GNG7: variants seen among roughly 807,000 people sequenced by gnomAD.
The protein encoded by GNG7 is guanine nucleotide-binding protein G(I)/G(S)/G(O) subunit gamma-7.
A neutral mutation model predicts 4.0 loss-of-function variants in GNG7; 1 was observed. The ratio of observed to expected loss-of-function variants is 0.25; its 90% CI spans 0.09 to 1.18. GNG7 has a LOEUF of 1.18. GNG7 is among the 50% of genes most tolerant of loss of function. GNG7 has a pLI of 0.50. For missense variants in GNG7, 86 were observed against 91.9 expected (o/e 0.94, Z 0.26); for synonymous variants, 34 against 36.9 (o/e 0.92, Z 0.29).
intron 1 of GNG7, among the ~76,000 whole-genome samples, chr19:2,663,154 T>G (rs574446068): frequency 6.6e-6 from 1 of 152,276 alleles, no homozygotes; most frequent in South Asian, 2.1e-4. Context: ...GAAGGGCTGA[T>G]CCACATGACT....
intron 3 of GNG7, among the ~76,000 whole-genome samples, chr19:2,554,750 T>C (rs2144762548): frequency 6.6e-6 from 1 of 152,046 alleles, no homozygotes; most frequent in Middle Eastern, 3.4e-3. Context: ...AGACGGGGTT[T>C]CGCTGTGTTG....
chr19:2,622,113 T>G (rs1217675296), intron 2 of GNG7, among the ~76,000 whole-genome samples: 1 of 151,620 alleles, frequency 6.6e-6, no homozygotes, highest in African/African-American at 2.4e-5. Context: ...GGAGTCTTGC[T>G]CTGTCACCCA....
At chr19:2,571,502 T>TGCAG (rs1980144686) in intron 2 of GNG7, among the ~76,000 whole-genome samples, 1 of 151,706 alleles carries the variant, frequency 6.6e-6, no homozygotes, top group Admixed American at 6.6e-5. Flanking sequence ...ATGGGTAGCG[T>TGCAG]GCAGGGGTGG....
intron 4 of GNG7, 64 bp from the exon 5 acceptor site, chr19:2,515,211 CAG>C: frequency 6.3e-7 from 1 of 1,596,582 alleles, no homozygotes. Context: ...CCCGGGTTCA[CAG>C]CAGCACCATT....
chr19:2,595,844 A>G (rs1345208206), intron 2 of GNG7, among the ~76,000 whole-genome samples: 1 of 152,132 alleles, frequency 6.6e-6, no homozygotes, highest in Non-Finnish European at 1.5e-5. Context: ...GTGCATGTGT[A>G]GGAAAAGTCT....
In GNG7 at chr19:2,594,583, T is replaced by C. The variant is rs1288194777; in HGVS notation, c.-77-39395A>G. Among the ~76,000 whole-genome samples the C allele has an allele frequency of 6.6e-5, 10 of 152,182 alleles. 1 individual carries two copies. The South Asian group carries it at 1.5e-3, about 22-fold the overall frequency. On this transcript the variant is annotated intron_variant, in intron 2 of 4. Transcript: ENST00000382159. ...AACGGGAATTAACATTCTGCCCTTC[T>C]TCTGTTCTCACTTCTCTCTCCAGCT...
At chr19:2,645,243 C>CTTT (rs10674864) in intron 2 of GNG7, among the ~76,000 whole-genome samples, 18,250 of 135,394 alleles carry the variant, frequency 0.13, 1,492 homozygotes, top group Middle Eastern at 0.19. Flanking sequence ...CTCTCTCTCT[C>CTTT]TTTTTTTTTT....
intron 2 of GNG7, among the ~76,000 whole-genome samples, chr19:2,627,614 C>T (rs979841196): frequency 2.0e-5 from 3 of 152,196 alleles, no homozygotes; most frequent in East Asian, 1.9e-4. Flanking sequence ...GTGACTGGCT[C>T]GAGACTTGCC....
Position 2,513,473 on chromosome 19 carries a change from C to G in GNG7, c.*1549G>C, listed in dbSNP as rs1319621649. 3 of 978,002 alleles carry G rather than the reference C, an allele frequency of 3.1e-6. No individual in the cohort carries two copies. The highest frequency in any genetic ancestry group is 4.7e-5 in the South Asian group (1 of 21,154). The allele number at this position is 978,002 out of a possible 1,614,324, so 60.6% of individuals were successfully genotyped here. ...TGGAAGATGTGGCTGCACCTGCTCC[C>G]GTCCGTGCCGCAGAGGAGGACGCAG... is the stretch of plus-strand genomic sequence containing the variant. On this transcript the variant is annotated 3_prime_UTR_variant, in exon 5 of 5. Coordinates refer to ENST00000382159, the MANE Select transcript of GNG7 (RefSeq NM_052847.3).
chr19:2,577,571 C>T (rs1470222873), intron 2 of GNG7, among the ~76,000 whole-genome samples: 2 of 152,032 alleles, frequency 1.3e-5, no homozygotes, highest in Admixed American at 6.6e-5. Context: ...CGTGGTGGCT[C>T]ACGCCTGTAA....
chr19:2,599,884 C>T (rs1010904655), intron 2 of GNG7, among the ~76,000 whole-genome samples: 1 of 151,138 alleles, frequency 6.6e-6, no homozygotes, highest in Non-Finnish European at 1.5e-5. Flanking sequence ...TTGCAGAGAG[C>T]TGAGATGGCG....
chr19:2,574,251 G>A (rs1980240028), intron 2 of GNG7, among the ~76,000 whole-genome samples: 1 of 152,196 alleles, frequency 6.6e-6, no homozygotes, highest in Admixed American at 6.5e-5. Context: ...CGGAAGATGG[G>A]GCTTGGGGCT....
At chr19:2,529,025 G>A (rs563395381) in intron 3 of GNG7, among the ~76,000 whole-genome samples, 7 of 152,290 alleles carry the variant, frequency 4.6e-5, no homozygotes, top group Admixed American at 2.6e-4. Flanking sequence ...GCACCCTGTC[G>A]CCACTCCCCT....
At chr19:2,524,083 A>C (rs2144731074) in intron 3 of GNG7, among the ~76,000 whole-genome samples, 1 of 152,346 alleles carries the variant, frequency 6.6e-6, no homozygotes, top group South Asian at 2.1e-4. Context: ...GCAGAGAACA[A>C]ACGGGCTGGC....
intron 3 of GNG7, among the ~76,000 whole-genome samples, chr19:2,554,202 A>T (rs1979476521): frequency 6.8e-6 from 1 of 147,782 alleles, no homozygotes; most frequent in Middle Eastern, 3.5e-3. Flanking sequence ...TTCTTTAGAG[A>T]CCTGGTCTCA....
At chr19:2,561,738 G>A (rs1448815576) in intron 2 of GNG7, among the ~76,000 whole-genome samples, 4 of 141,480 alleles carry the variant, frequency 2.8e-5, no homozygotes, top group African/African-American at 1.1e-4. Context: ...AAAATTAGCT[G>A]GGCATAGCGG....
chr19:2,597,526 G>A (rs1226345190), intron 2 of GNG7, among the ~76,000 whole-genome samples: 8 of 151,720 alleles, frequency 5.3e-5, no homozygotes, highest in Non-Finnish European at 1.0e-4. Flanking sequence ...GAACCCAGGA[G>A]GTGGAGGTTG....
chr19:2,641,388 G>C (rs1982500813), intron 2 of GNG7, among the ~76,000 whole-genome samples: 1 of 152,182 alleles, frequency 6.6e-6, no homozygotes, highest in African/African-American at 2.4e-5. Context: ...TCGTGAGATA[G>C]GATAGCATCC....
At chr19:2,602,719 C>T (rs142767280) in intron 2 of GNG7, among the ~76,000 whole-genome samples, 64 of 152,316 alleles carry the variant, frequency 4.2e-4, no homozygotes, top group African/African-American at 1.5e-3. Flanking sequence ...GGAAGCCAAT[C>T]TCGGGCTGGG....
Sources: gnomAD v4.1 joint callset for allele counts (sites outside exome capture counted in the v4.1 genomes callset) on GRCh38, gnomAD v4.1.1 for gene constraint, MANE v1.5 for transcripts, NCBI Gene and HGNC (gene_info 2026-07-23, HGNC 2026-07-21) for gene names.